The following TMPRSS7 variants were observed in gnomAD, a reference collection of about 807,000 sequenced individuals.
TMPRSS7 encodes transmembrane serine protease 7.
In TMPRSS7, 81 loss-of-function variants were observed where a neutral mutation model predicts 95.6. That is an observed-to-expected ratio of 0.85 (90% CI 0.71 to 1.02). The LOEUF is 1.02. Ranked by LOEUF, TMPRSS7 falls within the 50% of genes least tolerant of loss-of-function variation. The probability of loss-of-function intolerance (pLI) is 0.00; values close to 1 mark genes in which losing one functional copy is unlikely to be tolerated. For missense variants in TMPRSS7, 945 were observed against 955.2 expected, an observed-to-expected ratio of 0.99 and a Z score of 0.14; for synonymous variants, 364 against 337.8, an observed-to-expected ratio of 1.08 and a Z score of -0.85.
chr3:112,047,159 C>T (rs938867447), intron 6 of TMPRSS7, 147 bp downstream of exon 6: 1 of 632,868 alleles, frequency 1.6e-6, no homozygotes, highest in African/African-American at 1.8e-5. Context: ...ACAAAAGAAA[C>T]TTGACTGGCT....
chr3:112,060,317 G>A (rs1259660492), intron 10 of TMPRSS7, among the ~76,000 whole-genome samples: 6 of 152,266 alleles, frequency 3.9e-5, no homozygotes, highest in Admixed American at 1.3e-4. Flanking sequence ...CAGGAGACAG[G>A]GTTTGAGAGC....
chr3:112,067,567 T>G (rs1173196522), intron 13 of TMPRSS7, among the ~76,000 whole-genome samples: 1 of 152,250 alleles, frequency 6.6e-6, no homozygotes, highest in Non-Finnish European at 1.5e-5. Context: ...GATTTTCATT[T>G]CTCTGATGAC....
At chr3:112,034,969 T>C (rs1406202542) in intron 1 of TMPRSS7, 76 bp downstream of exon 1, 2 of 695,568 alleles carry the variant, frequency 2.9e-6, no homozygotes, top group Non-Finnish European at 5.2e-6. Flanking sequence ...TGAGATTGTA[T>C]GACCTTATAA....
At chr3:112,073,138 C>G (rs9817864) in intron 13 of TMPRSS7, among the ~76,000 whole-genome samples, 1 of 147,944 alleles carries the variant, frequency 6.8e-6, no homozygotes, top group African/African-American at 2.5e-5. Context: ...GTTGCCCAGG[C>G]TGGAGTGCAG....
chr3:112,074,466 T>C, intron 14 of TMPRSS7, 54 bp downstream of exon 14: 2 of 1,378,408 alleles, frequency 1.5e-6, no homozygotes, highest in Non-Finnish European at 2.0e-6. Flanking sequence ...AGTTTACCTG[T>C]TTGTTATATT....
chr3:112,059,460 T>C (rs1313176520), intron 10 of TMPRSS7, among the ~76,000 whole-genome samples: 3 of 152,358 alleles, frequency 2.0e-5, no homozygotes, highest in South Asian at 2.1e-4. Context: ...TCTTTCCTCT[T>C]GATTCCCCTT....
exon 5 of TMPRSS7, chr3:112,045,814 G>A: frequency 4.5e-6 from 7 of 1,551,690 alleles, no homozygotes; most frequent in Non-Finnish European, 5.2e-6. Context: ...ACGTGCCAAA[G>A]GCCACATCTT....
chr3:112,057,415 T>A (rs2073446102), intron 10 of TMPRSS7, among the ~76,000 whole-genome samples: 1 of 152,138 alleles, frequency 6.6e-6, no homozygotes, highest in Non-Finnish European at 1.5e-5. Flanking sequence ...GTTTTTCAAA[T>A]CCTGGATCCA....
At chr3:112,044,754 C>T (rs1037933986) in intron 4 of TMPRSS7, among the ~76,000 whole-genome samples, 4 of 152,066 alleles carry the variant, frequency 2.6e-5, no homozygotes, top group Non-Finnish European at 5.9e-5. Flanking sequence ...ATCCCACCCC[C>T]ACCCACTCCC....
At chr3:112,055,133 A>AT (rs2073416495) in intron 9 of TMPRSS7, among the ~76,000 whole-genome samples, 1 of 152,186 alleles carries the variant, frequency 6.6e-6, no homozygotes, top group African/African-American at 2.4e-5. Flanking sequence ...TTCGGTAAAC[A>AT]TAAGAGAATC....
chr3:112,042,651 T>C (rs895675525), intron 3 of TMPRSS7, among the ~76,000 whole-genome samples: 21 of 152,352 alleles, frequency 1.4e-4, no homozygotes, highest in Non-Finnish European at 2.4e-4. Context: ...TGCTATTGCA[T>C]GCTTCTATGC....
intron 13 of TMPRSS7, among the ~76,000 whole-genome samples, chr3:112,068,801 G>A (rs1404969947): frequency 2.0e-5 from 3 of 152,008 alleles, no homozygotes; most frequent in African/African-American, 7.3e-5. Flanking sequence ...TTTCCTAATC[G>A]AATACCCTTT....
intron 2 of TMPRSS7, among the ~76,000 whole-genome samples, chr3:112,040,340 T>A (rs1037197255): frequency 6.6e-5 from 10 of 152,118 alleles, no homozygotes; most frequent in Non-Finnish European, 1.3e-4. Flanking sequence ...AGGTGTGAGT[T>A]TTTTTGCTTA....
chr3:112,049,689 AC>A (rs1485112425), intron 7 of TMPRSS7, among the ~76,000 whole-genome samples, 154 bp from the exon 8 acceptor site: 1 of 152,214 alleles, frequency 6.6e-6, no homozygotes, highest in Non-Finnish European at 1.5e-5. Context: ...CTCTGTGGCT[AC>A]TAATGGATGA....
chr3:112,050,527 A>AAAAAAAAAACAAAC (rs1553763200), intron 8 of TMPRSS7, 144 bp from the exon 9 acceptor site: 4 of 351,552 alleles, frequency 1.1e-5, no homozygotes, highest in African/African-American at 8.4e-5. Context: ...CTTCTGAAAA[A>AAAAAAAAAACAAAC]AAAAAAAAAA....
intron 7 of TMPRSS7, among the ~76,000 whole-genome samples, chr3:112,048,778 C>T (rs966365773): frequency 6.6e-6 from 1 of 152,130 alleles, no homozygotes; most frequent in Non-Finnish European, 1.5e-5. Flanking sequence ...CCACTGATGC[C>T]CATTCCTCCA....
chr3:112,068,845 A>C (rs904981257), intron 13 of TMPRSS7, among the ~76,000 whole-genome samples: 5 of 152,118 alleles, frequency 3.3e-5, no homozygotes, highest in Non-Finnish European at 4.4e-5. Context: ...CCTGGCCAGA[A>C]CTTCCAACAC....
chr3:112,055,801 G>A (rs1451218120), intron 9 of TMPRSS7, among the ~76,000 whole-genome samples: 1 of 152,170 alleles, frequency 6.6e-6, no homozygotes, highest in Non-Finnish European at 1.5e-5. Flanking sequence ...TGATGAAGAC[G>A]ATGATCCACA....
At chr3:112,061,922 A>C (rs751056782) in exon 11 of TMPRSS7, 4 of 1,605,880 alleles carry the variant, frequency 2.5e-6, no homozygotes, top group East Asian at 2.2e-5. Flanking sequence ...ACATCAGTCA[A>C]CGTAAGCCTA....
Sources: allele counts gnomAD v4.1 joint callset (sites outside exome capture counted in the v4.1 genomes callset), GRCh38; gene constraint gnomAD v4.1.1; transcripts MANE v1.5; gene names NCBI Gene and HGNC (gene_info 2026-07-23, HGNC 2026-07-21).